Variants in TASP1 observed in about 807,000 individuals in gnomAD.
TASP1 encodes the protein taspase 1.
Under a neutral mutation model 56.6 loss-of-function variants are expected in TASP1, and 16 were observed. That is an observed-to-expected ratio of 0.28 (90% CI 0.19 to 0.43). The LOEUF (loss-of-function observed/expected upper bound fraction) is 0.43. Ranked by LOEUF, TASP1 falls within the 20% of genes least tolerant of loss-of-function variation. The pLI is 1.00. For missense variants in TASP1, 393 were observed against 511.6 expected (o/e 0.77, Z 2.24); for synonymous variants, 179 against 184.2 (o/e 0.97, Z 0.23).
At chr20:13,341,693 T>C in the TASP1 span, among the ~76,000 whole-genome samples, 1 of 152,168 alleles carries the variant, frequency 6.6e-6, no homozygotes, top group Admixed American at 6.5e-5. Context: ...TCCCAAACCT[T>C]AGCAACTTGA....
At chr20:13,370,716 G>A in the TASP1 span, among the ~76,000 whole-genome samples, 1 of 152,112 alleles carries the variant, frequency 6.6e-6, no homozygotes, top group South Asian at 2.1e-4. Flanking sequence ...GGTCATTAGA[G>A]TGGACCCTAA....
At chr20:13,585,738 T>G (rs1413600387) in intron 5 of TASP1, among the ~76,000 whole-genome samples, 1 of 152,164 alleles carries the variant, frequency 6.6e-6, no homozygotes, top group African/African-American at 2.4e-5. Flanking sequence ...GCAGAGTAAC[T>G]GAAAAGCTCC....
intron 4 of TASP1, among the ~76,000 whole-genome samples, chr20:13,587,925 A>G (rs2047368351): frequency 6.6e-6 from 1 of 152,120 alleles, no homozygotes; most frequent in African/African-American, 2.4e-5. Flanking sequence ...TAGCTGTTCA[A>G]GACCACTCTG....
chr20:13,493,467 C>T (rs2043612730), intron 10 of TASP1, among the ~76,000 whole-genome samples: 1 of 152,192 alleles, frequency 6.6e-6, no homozygotes, highest in Non-Finnish European at 1.5e-5. Flanking sequence ...CTTTCCTATA[C>T]TGGATGCTTC....
chr20:13,194,445 G>T, the TASP1 span, among the ~76,000 whole-genome samples: 4 of 152,086 alleles, frequency 2.6e-5, no homozygotes, highest in Non-Finnish European at 4.4e-5. Flanking sequence ...AATTGCAAAT[G>T]GTTGAATATC....
chr20:13,338,730 C>T, the TASP1 span, among the ~76,000 whole-genome samples: 1 of 152,036 alleles, frequency 6.6e-6, no homozygotes, highest in African/African-American at 2.4e-5. Flanking sequence ...TTTACAGTGC[C>T]TTCAGCATTC....
downstream of TASP1, among the ~76,000 whole-genome samples, chr20:13,387,189 T>A (rs1272181851): frequency 7.3e-6 from 1 of 136,504 alleles, no homozygotes; most frequent in African/African-American, 2.9e-5. Context: ...ATTTCATTTT[T>A]TTTTTTTTTT....
At chr20:13,199,900 C>G in the TASP1 span, among the ~76,000 whole-genome samples, 9 of 152,168 alleles carry the variant, frequency 5.9e-5, no homozygotes, top group Non-Finnish European at 8.8e-5. Context: ...GCACTAGTGC[C>G]AAGGCCAGAC....
the TASP1 span, among the ~76,000 whole-genome samples, chr20:13,185,854 G>A: frequency 1.3e-5 from 2 of 152,172 alleles, no homozygotes; most frequent in Non-Finnish European, 2.9e-5. Context: ...CATGTAATGA[G>A]CTTGGAAGTC....
At chr20:13,456,292 CT>C (rs1355536252) in intron 11 of TASP1, among the ~76,000 whole-genome samples, 2 of 152,072 alleles carry the variant, frequency 1.3e-5, no homozygotes, top group Non-Finnish European at 2.9e-5. Context: ...TCAGCCAAAG[CT>C]TTAGCAGAAA....
At chr20:13,518,990 C>T (rs556238195) in intron 10 of TASP1, among the ~76,000 whole-genome samples, 1 of 152,218 alleles carries the variant, frequency 6.6e-6, no homozygotes, top group South Asian at 2.1e-4. Context: ...GAACACTACA[C>T]AGCCACAGAA....
intron 11 of TASP1, among the ~76,000 whole-genome samples, chr20:13,478,869 A>G (rs1313873062): frequency 6.6e-6 from 1 of 152,242 alleles, no homozygotes; most frequent in Non-Finnish European, 1.5e-5. Context: ...AAGCACTTAT[A>G]TGCAGTAAAA....
At chr20:13,151,944 G>C in the TASP1 span, among the ~76,000 whole-genome samples, 1 of 151,954 alleles carries the variant, frequency 6.6e-6, no homozygotes, top group African/African-American at 2.4e-5. Flanking sequence ...ACATGAGGCT[G>C]TCAAACACTT....
In TASP1 at chr20:13,569,507, T is replaced by C. The variant is rs777272390; in HGVS notation, c.568A>G (p.Arg190Gly). Residue 190 changes from arginine to glycine, a missense_variant and splice_region_variant, in exon 7 of 14, where the codon AGA (arginine) becomes GGA (glycine). Transcript: ENST00000337743. ...PSCPPNIMTT[R>G]FSLAAFKRNK... ...TAATTTTTTTTAAGTTTTTACTCAC[T>C]TGTGGTCATGATGTTAGGAGGGCAA... 6.2e-7 allele frequency: 1 copy of C among 1,611,356 alleles called. No individual in the cohort carries two copies. Among genetic ancestry groups the C allele is most frequent in the Non-Finnish European group, 8.5e-7 (1 of 1,179,138 alleles).
chr20:13,339,356 A>G, the TASP1 span, among the ~76,000 whole-genome samples: 1 of 152,196 alleles, frequency 6.6e-6, no homozygotes, highest in African/African-American at 2.4e-5. Context: ...CTCTGCCTGA[A>G]ATGGTGAGGA....
the TASP1 span, chr20:13,153,915 AG>A: frequency 6.5e-7 from 1 of 1,537,474 alleles, no homozygotes; most frequent in Non-Finnish European, 8.8e-7. Context: ...GCCTGCAGAA[AG>A]ACTTAAAGAT....
chr20:13,312,399 C>G, the TASP1 span, among the ~76,000 whole-genome samples: 1 of 152,194 alleles, frequency 6.6e-6, no homozygotes, highest in African/African-American at 2.4e-5. Flanking sequence ...TGAAGCCACT[C>G]CTACCAGCCT....
chr20:13,181,277 A>G, the TASP1 span, among the ~76,000 whole-genome samples: 1 of 152,212 alleles, frequency 6.6e-6, no homozygotes, highest in African/African-American at 2.4e-5. Context: ...ATAGTGCTCC[A>G]GCTGCCCACA....
the TASP1 span, among the ~76,000 whole-genome samples, chr20:13,289,372 G>A: frequency 2.0e-5 from 3 of 152,318 alleles, no homozygotes; most frequent in Non-Finnish European, 2.9e-5. Flanking sequence ...TAATACCAGA[G>A]AGTTGCCAAA....
Sources: allele counts gnomAD v4.1 joint callset (sites outside exome capture counted in the v4.1 genomes callset), GRCh38; gene constraint gnomAD v4.1.1; transcripts MANE v1.5; gene names NCBI Gene and HGNC (gene_info 2026-07-23, HGNC 2026-07-21).